Variants in TANC2 observed in about 807,000 individuals in gnomAD.
TANC2 encodes the protein tetratricopeptide repeat, ankyrin repeat and coiled-coil containing 2, also known as protein TANC2.
In TANC2, 26 loss-of-function variants were observed where a neutral mutation model predicts 210.5. That is an observed-to-expected ratio of 0.12 (90% confidence interval 0.09 to 0.17). The LOEUF is 0.17. Ranked by LOEUF, TANC2 falls within the 10% of genes least tolerant of loss-of-function variation. TANC2 has a pLI of 1.00. For missense variants in TANC2, 2,129 were observed against 2,608.9 expected (o/e 0.82, Z 4.01); for synonymous variants, 931 against 967.1 (o/e 0.96, Z 0.69).
intron 9 of TANC2, among the ~76,000 whole-genome samples, chr17:63,281,446 C>T (rs187605206): frequency 4.6e-5 from 7 of 152,040 alleles, no homozygotes; most frequent in African/African-American, 1.7e-4. Context: ...TAGAAGAAAT[C>T]CTAATAAGCT....
At chr17:63,146,842 T>C (rs2039477674) in intron 4 of TANC2, among the ~76,000 whole-genome samples, 1 of 152,184 alleles carries the variant, frequency 6.6e-6, no homozygotes, top group African/African-American at 2.4e-5. Context: ...ATGAATCTGA[T>C]TGCTCTTATC....
intron 27 of TANC2, among the ~76,000 whole-genome samples, chr17:63,419,618 T>C (rs925034793): frequency 7.9e-5 from 12 of 152,202 alleles, no homozygotes; most frequent in Non-Finnish European, 1.2e-4. Context: ...TTTTTAAATA[T>C]GTAGTTTTTT....
At chr17:63,004,924 C>T (rs1042174959) in intron 1 of TANC2, 7 of 276,842 alleles carry the variant, frequency 2.5e-5, no homozygotes, top group South Asian at 3.9e-5. Flanking sequence ...GGCTTTATCT[C>T]GTTTAGTATC....
chr17:63,259,170 A>G (rs148963225), intron 8 of TANC2, among the ~76,000 whole-genome samples: 14 of 152,242 alleles, frequency 9.2e-5, no homozygotes, highest in East Asian at 5.8e-4. Flanking sequence ...CTGCGGCCCT[A>G]TTCTACTGTG....
chr17:63,212,321 A>G (rs1248744714), intron 7 of TANC2, among the ~76,000 whole-genome samples: 1 of 152,214 alleles, frequency 6.6e-6, no homozygotes, highest in Non-Finnish European at 1.5e-5. Flanking sequence ...AACGACTTTC[A>G]TAATTCCTGC....
At chr17:63,356,720 C>G (rs1051361176) in intron 14 of TANC2, among the ~76,000 whole-genome samples, 1 of 152,196 alleles carries the variant, frequency 6.6e-6, no homozygotes, top group Non-Finnish European at 1.5e-5. Flanking sequence ...CCTGCCTCTT[C>G]TAGGAACTTT....
At chr17:63,335,387 C>A (rs1175420900) in intron 11 of TANC2, among the ~76,000 whole-genome samples, 4 of 151,806 alleles carry the variant, frequency 2.6e-5, no homozygotes, top group Non-Finnish European at 5.9e-5. Context: ...CCGAGGTGGG[C>A]AGATCACAAG....
At chr17:63,212,428 A>G (rs1415211552) in intron 7 of TANC2, among the ~76,000 whole-genome samples, 3 of 152,176 alleles carry the variant, frequency 2.0e-5, no homozygotes, top group Non-Finnish European at 2.9e-5. Context: ...AAATATGTTC[A>G]TTCAAGCAGA....
chr17:63,184,808 C>T (rs1397025757), intron 5 of TANC2, among the ~76,000 whole-genome samples: 2 of 151,934 alleles, frequency 1.3e-5, no homozygotes, highest in Non-Finnish European at 2.9e-5. Context: ...CGCCTGCCAC[C>T]ACACCCGGCT....
At chr17:63,023,085 G>A (rs1451082788) in intron 2 of TANC2, among the ~76,000 whole-genome samples, 2 of 152,230 alleles carry the variant, frequency 1.3e-5, no homozygotes, top group African/African-American at 4.8e-5. Context: ...ATGGGGTGGA[G>A]CCACCACAGA....
At chr17:63,105,923 C>T (rs2037806340) in intron 4 of TANC2, among the ~76,000 whole-genome samples, 2 of 151,482 alleles carry the variant, frequency 1.3e-5, no homozygotes, top group South Asian at 4.2e-4. Flanking sequence ...TCTTAAGTTC[C>T]ATCATTACTA....
chr17:63,373,442 T>A (rs942278602), intron 14 of TANC2, among the ~76,000 whole-genome samples: 8 of 152,232 alleles, frequency 5.3e-5, no homozygotes, highest in African/African-American at 1.9e-4. Context: ...AAGTGTGTTC[T>A]GAAACAAAGA....
In TANC2 at chr17:63,060,386, T is replaced by C. The variant is rs1292796492; in HGVS notation, c.68-13557T>C. ...CTGTAATCCCAGCACTTTGGGAGGC[T>C]GAGGCAGGCAGATCACCTGAGGTCA... On this transcript the variant is annotated intron_variant, in intron 2 of 27. Transcript: ENST00000689528. Among the ~76,000 whole-genome samples the C allele has an allele frequency of 2.0e-5, 3 of 152,160 alleles. No individual in the cohort carries two copies. The East Asian group carries it at 5.8e-4, about 29-fold the overall frequency.
At chr17:62,981,620 C>A (rs2032305891) in intron 1 of TANC2, among the ~76,000 whole-genome samples, 1 of 152,144 alleles carries the variant, frequency 6.6e-6, no homozygotes, top group South Asian at 2.1e-4. Context: ...ATTTCTGATA[C>A]TGACTACCTT....
chr17:63,204,605 AAAAG>A lies in TANC2; in HGVS notation c.769+3662_769+3665del, dbSNP rs150072382. Among the ~76,000 whole-genome samples, 1,313 of 152,074 alleles carry A rather than the reference AAAAG, an allele frequency of 8.6e-3. 16 individuals carry two copies. Among genetic ancestry groups the A allele is most frequent in the African/African-American group, 0.029 (1,183 of 41,474 alleles). On this transcript the variant is annotated intron_variant, in intron 7 of 27. Transcript: ENST00000689528. ...CTAGCGACACTCTGTTTCTAAAAAA[AAAAG>A]AAAGAAAGAAAGACTCATCCTAAAG... is the stretch of plus-strand genomic sequence containing the variant.
At chr17:63,233,065 G>C (rs947114555) in intron 7 of TANC2, among the ~76,000 whole-genome samples, 51 of 152,232 alleles carry the variant, frequency 3.4e-4, no homozygotes, top group Admixed American at 3.1e-3. Flanking sequence ...TGCACTGTGG[G>C]GAATTCTTCC....
intron 9 of TANC2, among the ~76,000 whole-genome samples, chr17:63,301,425 G>C (rs2044708911): frequency 6.6e-6 from 1 of 152,060 alleles, no homozygotes. Flanking sequence ...TTTTCAGTTG[G>C]TAGACTCTTA....
chr17:63,284,082 C>T (rs2044146750), intron 9 of TANC2, among the ~76,000 whole-genome samples: 1 of 151,842 alleles, frequency 6.6e-6, no homozygotes, highest in Admixed American at 6.6e-5. Context: ...TTAGCTATGT[C>T]AATATGTTCT....
At chr17:63,110,139 G>A (rs1303989309) in intron 4 of TANC2, among the ~76,000 whole-genome samples, 1 of 151,450 alleles carries the variant, frequency 6.6e-6, no homozygotes, top group Non-Finnish European at 1.5e-5. Context: ...TTGAGAAATT[G>A]AATAGAAACT....
Sources: allele counts gnomAD v4.1 joint callset (sites outside exome capture counted in the v4.1 genomes callset), GRCh38; gene constraint gnomAD v4.1.1; transcripts MANE v1.5; gene names NCBI Gene and HGNC (gene_info 2026-07-23, HGNC 2026-07-21).